The following TIPIN variants were observed in gnomAD, a reference collection of about 807,000 sequenced individuals.
TIPIN encodes TIMELESS-interacting protein.
TIPIN carries 29 observed loss-of-function variants against 35.6 expected under a neutral mutation model. That is an observed-to-expected ratio of 0.82 (90% CI 0.61 to 1.11). The LOEUF (loss-of-function observed/expected upper bound fraction) is 1.11. Ranked by LOEUF, TIPIN falls within the 50% of genes most tolerant of loss-of-function variation. The probability of loss-of-function intolerance (pLI) is 0.00; values close to 1 mark genes in which losing one functional copy is unlikely to be tolerated. For missense variants in TIPIN, 296 were observed against 345.4 expected (o/e 0.86, Z 1.13); for synonymous variants, 102 against 121.5 (o/e 0.84, Z 1.06).
Position 66,352,912 on chromosome 15 carries a change from T to C in TIPIN, c.36A>G (p.Leu12=), listed in dbSNP as rs1424901419. The stretch of plus-strand genomic sequence containing the variant: ...CATCTTCTACATGCTCATAATCTGG[T>C]AGGTCAATCACGCCATTCTCCTGTG... The part of the protein sequence containing the change: ...LEPQENGVID[L]PDYEHVEDET... Residue 12 remains leucine, a synonymous_variant, in exon 2 of 8, where the codon CTA becomes CTG. Coordinates refer to ENST00000261881, the MANE Select transcript of TIPIN (RefSeq NM_017858.3). 1.2e-6 allele frequency: 2 copies of C among 1,613,968 alleles called. No homozygotes were observed. The highest frequency in any genetic ancestry group is 1.7e-6 in the Non-Finnish European group (2 of 1,180,018).
At chr15:66,341,086 T>C in intron 7 of TIPIN, 64 bp downstream of exon 7, 2 of 1,476,820 alleles carry the variant, frequency 1.4e-6, no homozygotes, top group Non-Finnish European at 1.9e-6. Flanking sequence ...AGCAGAGAAG[T>C]TAAAATTTCT....
intron 1 of TIPIN, among the ~76,000 whole-genome samples, chr15:66,353,926 C>T (rs2093186280): frequency 6.6e-6 from 1 of 151,998 alleles, no homozygotes; most frequent in Non-Finnish European, 1.5e-5. Context: ...CGAGACCAGC[C>T]TGGCCAACAC....
rs761842932 is a variant in TIPIN at position 66,347,293 on chromosome 15, A to G, written c.475+1767T>C. 2.7e-5 allele frequency: 14 copies of G among 517,358 alleles called. No homozygotes were observed. The East Asian group carries it at 4.9e-4, about 18-fold the overall frequency. 32.0% of individuals were successfully genotyped at this position (517,358 alleles called of 1,614,324 possible). A position where few individuals can be genotyped will look rare whatever the true frequency, so the allele number is the denominator to read the frequency against. ...TCTGTTTTAATGTGTGTGACTGTCT[A>G]TGGTTGCACTGTACAACTAACAAAT... On this transcript the variant is annotated intron_variant, in intron 6 of 7. Transcript: ENST00000261881.
chr15:66,341,951 C>T (rs1488544113), intron 6 of TIPIN, among the ~76,000 whole-genome samples: 2 of 152,026 alleles, frequency 1.3e-5, no homozygotes, highest in Non-Finnish European at 2.9e-5. Flanking sequence ...TTTGGGAAGC[C>T]GAGGCGGGTG....
intron 1 of TIPIN, among the ~76,000 whole-genome samples, chr15:66,385,321 C>T (rs770357356): frequency 1.6e-4 from 24 of 151,856 alleles, no homozygotes; most frequent in Non-Finnish European, 7.4e-5. Context: ...GTTCTGTACA[C>T]GTTTCCTTTG....
rs555060371 is a variant in TIPIN, at chr15:66,379,599, G to A, written c.-9+7008C>T. The A allele has an allele frequency of 6.9e-4, 1,106 of 1,610,144 alleles. 2 individuals are homozygous for A. Among genetic ancestry groups the A allele is most frequent in the Non-Finnish European group, 8.6e-4 (1,015 of 1,177,218 alleles). ...GATTTCAACAACAGACCCATTCTCC[G>A]GGATAACGACGATGATGGGGAAGTA... On this transcript the variant is annotated intron_variant, in intron 1 of 7. Transcript: ENST00000562124.
intron 1 of TIPIN, among the ~76,000 whole-genome samples, chr15:66,380,455 C>G (rs1333800251): frequency 6.6e-6 from 1 of 152,188 alleles, no homozygotes; most frequent in African/African-American, 2.4e-5. Flanking sequence ...AGTGCTATCT[C>G]ACTCTACTTT....
chr15:66,347,181 G>A (rs746109760), intron 6 of TIPIN: 2 of 494,968 alleles, frequency 4.0e-6, no homozygotes, highest in Admixed American at 4.2e-5. Context: ...TTCCACATCT[G>A]TTAAAAGTTA....
chr15:66,353,901 A>G (rs567676826), intron 1 of TIPIN, among the ~76,000 whole-genome samples: 84 of 152,038 alleles, frequency 5.5e-4, no homozygotes, highest in African/African-American at 1.9e-3. Context: ...CAGACGGACC[A>G]TGAGGTCAGG....
chr15:66,363,578 A>C (rs1281514273), intron 1 of TIPIN, among the ~76,000 whole-genome samples: 12 of 143,168 alleles, frequency 8.4e-5, no homozygotes, highest in Middle Eastern at 4.7e-3. Context: ...GGAGGCGGAG[A>C]TTGCAGTGAG....
chr15:66,382,012 C>T (rs1012937805), intron 1 of TIPIN, among the ~76,000 whole-genome samples: 13 of 152,252 alleles, frequency 8.5e-5, no homozygotes, highest in African/African-American at 2.9e-4. Flanking sequence ...TGGCAGTGAG[C>T]CGAGATTGCA....
chr15:66,366,254 G>C (rs1453366189), intron 1 of TIPIN, among the ~76,000 whole-genome samples: 2 of 151,574 alleles, frequency 1.3e-5, no homozygotes, highest in African/African-American at 4.8e-5. Context: ...AAGAGTTCGA[G>C]ACCAGCCTGG....
At chr15:66,349,532 C>G in intron 4 of TIPIN, 95 bp from the exon 5 acceptor site, 1 of 1,467,446 alleles carries the variant, frequency 6.8e-7, no homozygotes, top group South Asian at 1.3e-5. Flanking sequence ...GCCAAAATCA[C>G]TGGGGTCATT....
intron 1 of TIPIN, among the ~76,000 whole-genome samples, chr15:66,362,032 A>T (rs1281502064): frequency 6.7e-6 from 1 of 148,754 alleles, no homozygotes; most frequent in East Asian, 2.0e-4. Context: ...TGCCGGGCAC[A>T]GTGGCTCATG....
chr15:66,358,654 G>A (rs2093217738), upstream of TIPIN, among the ~76,000 whole-genome samples: 2 of 152,038 alleles, frequency 1.3e-5, no homozygotes, highest in South Asian at 2.1e-4. Flanking sequence ...GGTCTCCAGC[G>A]ATCCTCCCCT....
chr15:66,375,500 TATA>T (rs1383011993), intron 1 of TIPIN, among the ~76,000 whole-genome samples: 1 of 688 alleles, frequency 1.5e-3, no homozygotes, highest in Non-Finnish European at 7.1e-3. Context: ...TTGGAAAAGT[TATA>T]TATATATATA....
intron 6 of TIPIN, chr15:66,347,084 C>G: frequency 3.2e-6 from 1 of 309,260 alleles, no homozygotes; most frequent in South Asian, 2.6e-5. Flanking sequence ...CGTGAGCCAC[C>G]GCGCCCGGCC....
At chr15:66,347,176 C>T (rs1376724604) in intron 6 of TIPIN, 1 of 490,508 alleles carries the variant, frequency 2.0e-6, no homozygotes, top group Admixed American at 2.1e-5. Flanking sequence ...TTTTCTTCCA[C>T]ATCTGTTAAA....
At position 66,341,306 on chromosome 15, in the gene TIPIN, G is replaced by C; in HGVS notation, c.526C>G (p.Pro176Ala). 6.2e-7 allele frequency: 1 copy of C among 1,613,852 alleles called. No homozygotes were observed. The highest frequency in any genetic ancestry group is 8.5e-7 in the Non-Finnish European group (1 of 1,180,010). Residue 176 changes from proline to alanine, a missense_variant, in exon 7 of 8, where the codon CCC becomes GCC. Pro to Ala is a conservative substitution (Grantham distance 27, BLOSUM62 -1). Coordinates refer to ENST00000261881, the MANE Select transcript of TIPIN (RefSeq NM_017858.3). ...EHDVTSTELDPFLTNLSESEM... is the reference protein window; with the variant it reads ...EHDVTSTELDAFLTNLSESEM... ...CTTTCAGATAAGTTTGTCAGAAAGG[G>C]ATCTAATTCAGTAGAAGTGACATCA...
Sources: allele counts gnomAD v4.1 joint callset (sites outside exome capture counted in the v4.1 genomes callset), GRCh38; gene constraint gnomAD v4.1.1; transcripts MANE v1.5; gene names NCBI Gene and HGNC (gene_info 2026-07-23, HGNC 2026-07-21).